Variants in LRRC4C observed in about 807,000 individuals in gnomAD.
The protein encoded by LRRC4C is leucine rich repeat containing 4C, also known as leucine-rich repeat-containing protein 4C.
In LRRC4C, 5 loss-of-function variants were observed where a neutral mutation model predicts 33.6. The ratio of observed to expected loss-of-function variants is 0.15; its 90% CI spans 0.08 to 0.31. The LOEUF (loss-of-function observed/expected upper bound fraction) is 0.31. Ranked by LOEUF, LRRC4C falls within the 10% of genes least tolerant of loss-of-function variation. The probability of loss-of-function intolerance (pLI) is 1.00; values close to 1 mark genes in which losing one functional copy is unlikely to be tolerated. For missense variants in LRRC4C, 560 were observed against 796.7 expected, an observed-to-expected ratio of 0.70 and a Z score of 3.58; for synonymous variants, 329 against 302.0, an observed-to-expected ratio of 1.09 and a Z score of -0.93.
chr11:40,591,172 A>G (rs1184789936), intron 3 of LRRC4C, among the ~76,000 whole-genome samples: 1 of 152,020 alleles, frequency 6.6e-6, no homozygotes, highest in Non-Finnish European at 1.5e-5. Flanking sequence ...ACCGGATATA[A>G]TCTCTTGGTG....
chr11:41,021,451 GA>G (rs1329349789), intron 1 of LRRC4C, among the ~76,000 whole-genome samples: 2 of 152,034 alleles, frequency 1.3e-5, no homozygotes, highest in Non-Finnish European at 2.9e-5. Flanking sequence ...GAGGCAGAGT[GA>G]AATATTTCAA....
chr11:40,978,783 G>A (rs1023615658), intron 1 of LRRC4C, among the ~76,000 whole-genome samples: 14 of 151,536 alleles, frequency 9.2e-5, no homozygotes, highest in African/African-American at 2.9e-4. Flanking sequence ...AACCATGCCC[G>A]GCTATTTTTT....
intron 6 of LRRC4C, among the ~76,000 whole-genome samples, chr11:40,122,318 G>A (rs911169002): frequency 1.1e-4 from 16 of 151,878 alleles, no homozygotes; most frequent in East Asian, 7.8e-4. Context: ...TAGGTTAAAC[G>A]TGTGCCATAG....
chr11:40,985,940 T>A (rs1446467920), intron 1 of LRRC4C, among the ~76,000 whole-genome samples: 2 of 152,002 alleles, frequency 1.3e-5, no homozygotes, highest in Non-Finnish European at 2.9e-5. Flanking sequence ...ACTCTCAAGG[T>A]ATTTAAAAAT....
intron 1 of LRRC4C, among the ~76,000 whole-genome samples, chr11:41,169,938 C>T (rs1343271084): frequency 6.6e-6 from 1 of 152,042 alleles, no homozygotes; most frequent in Non-Finnish European, 1.5e-5. Flanking sequence ...TGTTAGAAGA[C>T]ATTTTTGTTT....
At chr11:41,167,896 C>G (rs8181489) in intron 1 of LRRC4C, among the ~76,000 whole-genome samples, 26,750 of 152,086 alleles carry the variant, frequency 0.18, 2,883 homozygotes, top group East Asian at 0.37. Flanking sequence ...AACTAATCAA[C>G]AGGAGATTAT....
intron 2 of LRRC4C, among the ~76,000 whole-genome samples, chr11:40,831,586 G>A (rs1450965530): frequency 6.6e-6 from 1 of 152,112 alleles, no homozygotes; most frequent in Non-Finnish European, 1.5e-5. Context: ...AAATGTATTA[G>A]TTCATTTTCA....
intron 1 of LRRC4C, among the ~76,000 whole-genome samples, chr11:41,281,682 T>C (rs959746358): frequency 6.6e-6 from 1 of 152,202 alleles, no homozygotes; most frequent in Non-Finnish European, 1.5e-5. Context: ...TAATCTATTT[T>C]GGATACAATC....
At position 40,888,935 on chromosome 11, in the gene LRRC4C, C is replaced by T. The variant is rs540914860; in HGVS notation, c.-407+44700G>A. 3.3e-3 allele frequency among the ~76,000 whole-genome samples: 508 copies of T among 151,914 alleles called. 5 individuals carry two copies. The highest frequency in any genetic ancestry group is 7.1e-3 in the South Asian group (34 of 4,812). ...TGAACTAAATTAATACATTAAATATCGTTATTTAAGGCAATGAGCCATTAT... is the reference window on the plus strand; with the variant it reads ...TGAACTAAATTAATACATTAAATATTGTTATTTAAGGCAATGAGCCATTAT... On this transcript the variant is annotated intron_variant, in intron 2 of 6. Transcript: ENST00000528697.
intron 2 of LRRC4C, among the ~76,000 whole-genome samples, chr11:40,723,996 A>G (rs1433457928): frequency 6.6e-6 from 1 of 152,244 alleles, no homozygotes; most frequent in South Asian, 2.1e-4. Flanking sequence ...AACCAACAAC[A>G]TTAAAAAAAA....
chr11:41,339,086 CTATT>C (rs1334224666), intron 1 of LRRC4C, among the ~76,000 whole-genome samples: 1 of 152,130 alleles, frequency 6.6e-6, no homozygotes, highest in Non-Finnish European at 1.5e-5. Context: ...ACAAAGGCAT[CTATT>C]TATTTTATAG....
intron 2 of LRRC4C, among the ~76,000 whole-genome samples, chr11:40,871,077 C>G (rs149450119): frequency 0.024 from 3,678 of 152,150 alleles, 87 homozygotes; most frequent in Admixed American, 0.071. Flanking sequence ...TGCTCCCAGG[C>G]TTATTAGGAT....
intron 1 of LRRC4C, among the ~76,000 whole-genome samples, chr11:41,042,526 T>A (rs557492514): frequency 1.3e-5 from 2 of 152,266 alleles, no homozygotes; most frequent in African/African-American, 4.8e-5. Flanking sequence ...TAATTCAATG[T>A]CTAATGCACA....
At chr11:41,237,296 T>A (rs747210632) in intron 1 of LRRC4C, among the ~76,000 whole-genome samples, 2 of 152,216 alleles carry the variant, frequency 1.3e-5, no homozygotes, top group African/African-American at 4.8e-5. Context: ...AACTTAAGTA[T>A]CTGTCGTTGT....
At chr11:40,835,483 A>G (rs1048943364) in intron 2 of LRRC4C, among the ~76,000 whole-genome samples, 5 of 152,104 alleles carry the variant, frequency 3.3e-5, no homozygotes, top group Admixed American at 6.6e-5. Flanking sequence ...GAATGTATGT[A>G]TTTTTTATTT....
intron 2 of LRRC4C, among the ~76,000 whole-genome samples, chr11:40,787,472 T>G (rs1207877629): frequency 6.6e-6 from 1 of 152,218 alleles, no homozygotes; most frequent in Non-Finnish European, 1.5e-5. Context: ...CTCCATTGCA[T>G]GTCTACAGCA....
At chr11:40,193,595 G>A (rs538604103) in intron 5 of LRRC4C, among the ~76,000 whole-genome samples, 1 of 152,262 alleles carries the variant, frequency 6.6e-6, no homozygotes, top group Non-Finnish European at 1.5e-5. Context: ...AAAACTGGGC[G>A]GAGAATGAGT....
At chr11:41,060,315 A>G (rs1309113756) in intron 1 of LRRC4C, among the ~76,000 whole-genome samples, 1 of 152,194 alleles carries the variant, frequency 6.6e-6, no homozygotes, top group East Asian at 1.9e-4. Flanking sequence ...ACAAACTTGT[A>G]AGATTCAAAA....
intron 1 of LRRC4C, among the ~76,000 whole-genome samples, chr11:40,990,776 C>CT (rs1853480756): frequency 6.6e-6 from 1 of 151,986 alleles, no homozygotes; most frequent in Admixed American, 6.6e-5. Context: ...AAAACAATGC[C>CT]TTTTTTACTG....
Sources: gnomAD v4.1 joint callset for allele counts (sites outside exome capture counted in the v4.1 genomes callset) on GRCh38, gnomAD v4.1.1 for gene constraint, MANE v1.5 for transcripts, NCBI Gene and HGNC (gene_info 2026-07-23, HGNC 2026-07-21) for gene names.